UBE2E2: variants seen among roughly 807,000 people sequenced by gnomAD.
UBE2E2 encodes ubiquitin conjugating enzyme E2 E2.
Under a neutral mutation model 24.7 loss-of-function variants are expected in UBE2E2, and 6 were observed. The observed-to-expected ratio is 0.24, with a 90% CI of 0.13 to 0.48. The LOEUF is 0.48. UBE2E2 is among the 20% of genes least tolerant of loss of function. The pLI is 0.99. For missense variants in UBE2E2, 169 were observed against 245.0 expected (o/e 0.69, Z 2.07); for synonymous variants, 104 against 83.6 (o/e 1.24, Z -1.33).
intron 3 of UBE2E2, among the ~76,000 whole-genome samples, chr3:23,294,273 T>G (rs1698848331): frequency 6.6e-6 from 1 of 152,200 alleles, no homozygotes; most frequent in Non-Finnish European, 1.5e-5. Flanking sequence ...GCCATAATAA[T>G]AAATCAGTAT....
Position 23,396,331 on chromosome 3 carries a change from G to GTGTATA in UBE2E2, c.228-103276_228-103275insGTATAT, listed in dbSNP as rs148974711. On this transcript the variant is annotated intron_variant, in intron 3 of 5. Coordinates refer to ENST00000396703, the MANE Select transcript of UBE2E2 (RefSeq NM_152653.4). ...TATATATATATATGTATATATATACGTATATATATATATAGCATTTTATTT... is the reference window on the plus strand; with the variant it reads ...TATATATATATATGTATATATATACGTGTATATATATATATATATAGCATTTTATTT... Among the ~76,000 whole-genome samples the GTGTATA allele has an allele frequency of 9.1e-5, 13 of 143,078 alleles. No homozygotes were observed. In the East Asian group the frequency reaches 1.6e-3, roughly 18 times the overall value. The allele number at this position is 143,078 out of a possible 152,430, so 93.9% of individuals were successfully genotyped here.
intron 3 of UBE2E2, among the ~76,000 whole-genome samples, chr3:23,345,982 T>A (rs951626118): frequency 2.6e-5 from 4 of 152,192 alleles, no homozygotes; most frequent in Admixed American, 6.5e-5. Flanking sequence ...GGTTTTCAAC[T>A]GTTGCTGATC....
At chr3:23,313,086 T>C (rs1381670871) in intron 3 of UBE2E2, among the ~76,000 whole-genome samples, 3 of 152,178 alleles carry the variant, frequency 2.0e-5, no homozygotes, top group African/African-American at 4.8e-5. Context: ...GGGTGAAATG[T>C]TCTATAAATA....
intron 5 of UBE2E2, among the ~76,000 whole-genome samples, chr3:23,569,864 A>G (rs538701047): frequency 1.3e-5 from 2 of 152,326 alleles, no homozygotes; most frequent in South Asian, 2.1e-4. Flanking sequence ...TCAAGTATAT[A>G]CAGCCATTGT....
intron 5 of UBE2E2, among the ~76,000 whole-genome samples, chr3:23,580,086 C>A (rs1696441449): frequency 6.6e-6 from 1 of 152,146 alleles, no homozygotes; most frequent in South Asian, 2.1e-4. Flanking sequence ...AAGTGGTTTC[C>A]TAAGATGAAA....
chr3:23,263,664 A>T (rs1697963220), intron 3 of UBE2E2, among the ~76,000 whole-genome samples: 1 of 152,202 alleles, frequency 6.6e-6, no homozygotes, highest in Non-Finnish European at 1.5e-5. Context: ...AGCCCTGCTT[A>T]ATTTTAAGGA....
At chr3:23,332,151 C>T (rs1212078506) in intron 3 of UBE2E2, among the ~76,000 whole-genome samples, 1 of 151,960 alleles carries the variant, frequency 6.6e-6, no homozygotes, top group Non-Finnish European at 1.5e-5. Context: ...TATCTTTCCA[C>T]TTTTTTTTCT....
chr3:23,513,187 G>A (rs552263249), intron 4 of UBE2E2, among the ~76,000 whole-genome samples: 2 of 151,514 alleles, frequency 1.3e-5, no homozygotes, highest in Non-Finnish European at 2.9e-5. Flanking sequence ...ACTACTTCTT[G>A]TAGTGATTTG....
At chr3:23,402,280 C>A (rs1464082753) in intron 3 of UBE2E2, among the ~76,000 whole-genome samples, 1 of 152,192 alleles carries the variant, frequency 6.6e-6, no homozygotes, top group Non-Finnish European at 1.5e-5. Context: ...TATGAAACAA[C>A]TTCCACGTAA....
At chr3:23,302,373 T>TA (rs1301902130) in intron 3 of UBE2E2, among the ~76,000 whole-genome samples, 1 of 152,246 alleles carries the variant, frequency 6.6e-6, no homozygotes, top group African/African-American at 2.4e-5. Context: ...TATTACCAGT[T>TA]ATGCCTTTTG....
intron 3 of UBE2E2, among the ~76,000 whole-genome samples, chr3:23,275,101 C>T (rs994557748): frequency 6.6e-6 from 1 of 152,154 alleles, no homozygotes; most frequent in Admixed American, 6.5e-5. Context: ...TAATGAGCAA[C>T]CAACCATTGT....
intron 3 of UBE2E2, among the ~76,000 whole-genome samples, chr3:23,370,450 C>A (rs759447925): frequency 6.6e-6 from 1 of 152,064 alleles, no homozygotes; most frequent in Non-Finnish European, 1.5e-5. Flanking sequence ...ACAAAGTAAA[C>A]CCCATTATAG....
At chr3:23,521,861 G>A (rs991781965) in intron 4 of UBE2E2, among the ~76,000 whole-genome samples, 3 of 151,970 alleles carry the variant, frequency 2.0e-5, no homozygotes, top group Non-Finnish European at 4.4e-5. Flanking sequence ...GAAAGCTTTG[G>A]GTTCTGGTTT....
At chr3:23,494,573 T>C (rs1203897790) in intron 3 of UBE2E2, among the ~76,000 whole-genome samples, 1 of 152,194 alleles carries the variant, frequency 6.6e-6, no homozygotes, top group Non-Finnish European at 1.5e-5. Context: ...TCTCAACTGG[T>C]ACATATCCAA....
intron 3 of UBE2E2, among the ~76,000 whole-genome samples, chr3:23,427,442 G>A (rs1274177475): frequency 1.3e-5 from 2 of 151,798 alleles, no homozygotes; most frequent in African/African-American, 4.8e-5. Flanking sequence ...AGAGAAAATG[G>A]AATTATATAA....
Position 23,583,564 on chromosome 3 carries a change from A to G in UBE2E2, c.509-6170A>G, listed in dbSNP as rs1696537512. On this transcript the variant is annotated intron_variant, in intron 5 of 5. Coordinates refer to ENST00000396703, the MANE Select transcript of UBE2E2 (RefSeq NM_152653.4). This position sits in a 1 kb window ranked among gnomAD's most constrained non-coding sequence, Gnocchi z 4.1. ...ACTTCTTCCTTTCCATGAGCTTGGA[A>G]TGTTTTTCCATTTGTTTGTGTCACC... Among the ~76,000 whole-genome samples the G allele has an allele frequency of 2.0e-5, 3 of 152,244 alleles. No individual in the cohort carries two copies. The South Asian group carries it at 6.2e-4, about 32-fold the overall frequency.
At chr3:23,445,922 A>G (rs1032474585) in intron 3 of UBE2E2, among the ~76,000 whole-genome samples, 2 of 152,032 alleles carry the variant, frequency 1.3e-5, no homozygotes, top group East Asian at 3.9e-4. Flanking sequence ...CAGCATTGTG[A>G]CTTCTCTTTT....
At chr3:23,242,959 G>A (rs1265913973) in intron 3 of UBE2E2, among the ~76,000 whole-genome samples, 1 of 152,036 alleles carries the variant, frequency 6.6e-6, no homozygotes, top group East Asian at 1.9e-4. Context: ...GTTGGCTTAT[G>A]CCTGTGATCC....
At chr3:23,403,798 A>G (rs1427785739) in intron 3 of UBE2E2, among the ~76,000 whole-genome samples, 2 of 138,106 alleles carry the variant, frequency 1.4e-5, no homozygotes, top group African/African-American at 5.7e-5. Context: ...ACAAAGTGAG[A>G]TTCCGTCTCC....
Sources: allele counts gnomAD v4.1 joint callset (sites outside exome capture counted in the v4.1 genomes callset), GRCh38; gene constraint gnomAD v4.1.1; non-coding constraint Gnocchi (gnomAD v3.1); transcripts MANE v1.5; gene names NCBI Gene and HGNC (gene_info 2026-07-23, HGNC 2026-07-21).